CPA3: variants seen among roughly 807,000 people sequenced by gnomAD.
CPA3 encodes the protein mast cell carboxypeptidase A.
CPA3 carries 52 observed loss-of-function variants against 55.8 expected under a neutral mutation model. The observed-to-expected ratio is 0.93, with a 90% CI of 0.75 to 1.17. The LOEUF (loss-of-function observed/expected upper bound fraction) is 1.17, where lower values mean the gene tolerates loss of function less well. CPA3 is among the 50% of genes most tolerant of loss of function. The probability of loss-of-function intolerance (pLI) is 0.00; values close to 1 mark genes in which losing one functional copy is unlikely to be tolerated. For synonymous variants in CPA3, 179 were observed against 171.2 expected, an observed-to-expected ratio of 1.05 and a Z score of -0.36; for missense variants, 547 against 509.1, an observed-to-expected ratio of 1.07 and a Z score of -0.72.
intron 3 of CPA3, among the ~76,000 whole-genome samples, chr3:148,871,233 T>A (rs1714058130): frequency 6.6e-6 from 1 of 152,204 alleles, no homozygotes; most frequent in Admixed American, 6.5e-5. Flanking sequence ...ATTATTACAC[T>A]CTTCACTTTA....
chr3:148,885,273 C>CA (rs1714496242), intron 9 of CPA3, among the ~76,000 whole-genome samples: 1 of 146,198 alleles, frequency 6.8e-6, no homozygotes. Flanking sequence ...TATCTGAAGC[C>CA]AAAAAAATTG....
rs766746996 is a variant in CPA3, at chr3:148,865,369, T to C, written c.62T>C (p.Phe21Ser). 1 of 1,614,112 alleles carries C rather than the reference T, an allele frequency of 6.2e-7. No homozygotes were observed. Among genetic ancestry groups the C allele is most frequent in the South Asian group, 1.1e-5 (1 of 91,080 alleles). Reference sequence around the variant, plus strand: ...ACTCTTGCAATTGCTCCTGTCCGCTTTGACAGGTAAATCTTACTTCCTGTG... The same window carrying C: ...ACTCTTGCAATTGCTCCTGTCCGCTCTGACAGGTAAATCTTACTTCCTGTG... Reference protein sequence around the residue: ...ATTLAIAPVRFDREKVFRVKP... With the variant: ...ATTLAIAPVRSDREKVFRVKP... The change falls in exon 1 of 11, where the codon TTT (phenylalanine) becomes TCT (serine). Residue 21 changes from phenylalanine (F) to serine (S), a missense_variant. Transcript: ENST00000296046.
intron 2 of CPA3, 134 bp from the exon 3 acceptor site, chr3:148,868,781 T>G: frequency 5.4e-6 from 5 of 923,588 alleles, no homozygotes; most frequent in Non-Finnish European, 3.1e-6. Context: ...ATAAACTTAT[T>G]AAAAGAAGGG....
chr3:148,894,456 A>G (rs1378075094), intron 10 of CPA3, among the ~76,000 whole-genome samples: 1 of 70,310 alleles, frequency 1.4e-5, no homozygotes, highest in Non-Finnish European at 2.7e-5. Flanking sequence ...AAGGGATAAA[A>G]ACAGAAAGAA....
At chr3:148,875,646 C>T (rs543613137) in intron 3 of CPA3, among the ~76,000 whole-genome samples, 71 of 152,134 alleles carry the variant, frequency 4.7e-4, no homozygotes, top group African/African-American at 1.7e-3. Flanking sequence ...TCCCTAGATC[C>T]AATGCATTCC....
At chr3:148,881,359 C>T in intron 6 of CPA3, 163 bp from the exon 7 acceptor site, 1 of 519,080 alleles carries the variant, frequency 1.9e-6, no homozygotes. Flanking sequence ...TTTTTTTCCC[C>T]TTTAAACTAT....
intron 9 of CPA3, among the ~76,000 whole-genome samples, chr3:148,885,390 G>A (rs1271436407): frequency 2.0e-5 from 3 of 148,260 alleles, no homozygotes; most frequent in Non-Finnish European, 4.5e-5. Flanking sequence ...GTATATAATC[G>A]ACTGCATATT....
chr3:148,887,464 C>A (rs1330834322), intron 10 of CPA3, among the ~76,000 whole-genome samples: 1 of 152,166 alleles, frequency 6.6e-6, no homozygotes, highest in Non-Finnish European at 1.5e-5. Context: ...GAAGCTGGAA[C>A]TCAATCTCAG....
At chr3:148,882,948 G>GT (rs1449088251) in intron 8 of CPA3, among the ~76,000 whole-genome samples, 2 of 152,142 alleles carry the variant, frequency 1.3e-5, no homozygotes, top group Non-Finnish European at 2.9e-5. Context: ...CATACAGACA[G>GT]TTTTTCAGAT....
At position 148,877,500 on chromosome 3, in the gene CPA3, AAAAGAAAG is replaced by A. The variant is rs367802562; in HGVS notation, c.270-929_270-922del. ...CAAGAGTGAAACTCCATCTAAAAAA[AAAAGAAAG>A]AAAGAAAGAAAAAGGAAATAGGAAG... is the stretch of plus-strand genomic sequence containing the variant. On this transcript the variant is annotated intron_variant, in intron 3 of 10. Transcript: ENST00000296046. Among the ~76,000 whole-genome samples the A allele has an allele frequency of 1.3e-3, 200 of 152,284 alleles. 1 individual carries two copies. Among genetic ancestry groups the A allele is most frequent in the African/African-American group, 4.4e-3 (184 of 41,566 alleles).
intron 8 of CPA3, 98 bp downstream of exon 8, chr3:148,882,693 C>T: frequency 1.1e-6 from 1 of 897,972 alleles, no homozygotes; most frequent in Middle Eastern, 2.2e-4. Flanking sequence ...AATAGTTATG[C>T]TTTGAGTGAG....
At chr3:148,895,915 A>G (rs1368518922) in intron 10 of CPA3, among the ~76,000 whole-genome samples, 1 of 152,234 alleles carries the variant, frequency 6.6e-6, no homozygotes, top group Admixed American at 6.5e-5. Flanking sequence ...AGTTATATGT[A>G]TATAACCTTT....
At chr3:148,895,558 C>T (rs1320468319) in intron 10 of CPA3, among the ~76,000 whole-genome samples, 2 of 152,174 alleles carry the variant, frequency 1.3e-5, no homozygotes, top group African/African-American at 4.8e-5. Context: ...ACACCAGTGG[C>T]ATCTTCTGCA....
At chr3:148,892,652 C>CAAA (rs1187740297) in intron 10 of CPA3, among the ~76,000 whole-genome samples, 3 of 151,862 alleles carry the variant, frequency 2.0e-5, no homozygotes, top group Non-Finnish European at 4.4e-5. Context: ...GACTCTATCT[C>CAAA]AAAAACAACA....
chr3:148,880,702 A>AT (rs1211357494), intron 6 of CPA3, among the ~76,000 whole-genome samples: 3 of 152,140 alleles, frequency 2.0e-5, no homozygotes, highest in Non-Finnish European at 4.4e-5. Flanking sequence ...TTGCCAATGT[A>AT]TTTTGACTCC....
intron 10 of CPA3, among the ~76,000 whole-genome samples, chr3:148,895,125 C>T (rs932979577): frequency 3.3e-5 from 5 of 152,182 alleles, no homozygotes; most frequent in African/African-American, 1.2e-4. Context: ...ACCTAAAGTA[C>T]TAGAAGGCCT....
In CPA3 at chr3:148,896,502, A is replaced by G; in HGVS notation, c.1067-18A>G. Reference sequence around the variant, plus strand: ...AGCATTTGTCTCTAATTAAATATTTACTGCTTGTGTTTTACAGACCCGATA... The same window carrying G: ...AGCATTTGTCTCTAATTAAATATTTGCTGCTTGTGTTTTACAGACCCGATA... On this transcript the variant is annotated intron_variant, in intron 10 of 10. Transcript: ENST00000296046. 2 of 1,499,904 alleles carry G rather than the reference A, an allele frequency of 1.3e-6. No individual in the cohort carries two copies. The highest frequency in any genetic ancestry group is 1.8e-6 in the Non-Finnish European group (2 of 1,109,920). 92.9% of individuals were successfully genotyped at this position (1,499,904 alleles called of 1,614,324 possible).
intron 9 of CPA3, 142 bp downstream of exon 9, chr3:148,883,957 A>C: frequency 1.5e-6 from 1 of 647,238 alleles, no homozygotes. Flanking sequence ...TGAAGTTAAA[A>C]TCATGATCTT....
In CPA3 at chr3:148,874,533, A is replaced by G. The variant is rs148065971; in HGVS notation, c.270-3908A>G. 2.4e-4 allele frequency among the ~76,000 whole-genome samples: 36 copies of G among 152,290 alleles called. No individual in the cohort carries two copies. The East Asian group carries it at 6.6e-3, about 28-fold the overall frequency. On this transcript the variant is annotated intron_variant, in intron 3 of 10. Transcript: ENST00000296046. Reference sequence around the variant, plus strand: ...ACCTGATTCCAAAATTGCTGTCACAAGTTTATTTTCTCAGAAATCCTAGGT... The same window carrying G: ...ACCTGATTCCAAAATTGCTGTCACAGGTTTATTTTCTCAGAAATCCTAGGT...
Sources: allele counts gnomAD v4.1 joint callset (sites outside exome capture counted in the v4.1 genomes callset), GRCh38; gene constraint gnomAD v4.1.1; transcripts MANE v1.5; gene names NCBI Gene and HGNC (gene_info 2026-07-23, HGNC 2026-07-21).